DYTN: variants seen among roughly 807,000 people sequenced by gnomAD.
DYTN encodes the protein dystrotelin.
In DYTN, 75 loss-of-function variants were observed where a neutral mutation model predicts 69.6. The ratio of observed to expected loss-of-function variants is 1.08; its 90% CI spans 0.89 to 1.31. The LOEUF (loss-of-function observed/expected upper bound fraction) is 1.31, where lower values mean the gene tolerates loss of function less well. Among genes scored for constraint, DYTN ranks in the 50% most tolerant of loss-of-function variants. The pLI is 0.00. For missense variants in DYTN, 726 were observed against 688.4 expected, an observed-to-expected ratio of 1.05 and a Z score of -0.61; for synonymous variants, 252 against 249.1, an observed-to-expected ratio of 1.01 and a Z score of -0.11.
At chr2:206,699,614 A>G in intron 7 of DYTN, 113 bp downstream of exon 7, 1 of 1,322,622 alleles carries the variant, frequency 7.6e-7, no homozygotes, top group Non-Finnish European at 1.0e-6. Context: ...CAAAAAAGTC[A>G]ACTGAATTTC....
At chr2:206,688,370 G>T (rs1041966727) in intron 9 of DYTN, among the ~76,000 whole-genome samples, 6 of 152,086 alleles carry the variant, frequency 3.9e-5, no homozygotes. Flanking sequence ...GGGAACACTA[G>T]ACAGCAATTC....
intron 1 of DYTN, among the ~76,000 whole-genome samples, chr2:206,716,110 A>G (rs954860771): frequency 1.3e-5 from 2 of 152,118 alleles, no homozygotes; most frequent in African/African-American, 4.8e-5. Flanking sequence ...ACAAACAAAA[A>G]ACAAAAGAAA....
chr2:206,682,906 A>G (rs1295225272), intron 9 of DYTN, among the ~76,000 whole-genome samples: 1 of 152,168 alleles, frequency 6.6e-6, no homozygotes. Context: ...AGGAATAGAC[A>G]CATAGATCTA....
chr2:206,702,520 C>T (rs763138309), intron 5 of DYTN, among the ~76,000 whole-genome samples: 15 of 152,170 alleles, frequency 9.9e-5, no homozygotes, highest in Non-Finnish European at 1.8e-4. Context: ...TGTTGCCAGT[C>T]GAATGTAAGT....
intron 9 of DYTN, among the ~76,000 whole-genome samples, chr2:206,691,075 G>A (rs1406235206): frequency 2.0e-5 from 3 of 152,324 alleles, no homozygotes; most frequent in South Asian, 2.1e-4. Context: ...TGTCAAAAAT[G>A]TGTAAAAGAT....
chr2:206,665,501 T>C (rs1382874833), intron 10 of DYTN, among the ~76,000 whole-genome samples: 1 of 142,714 alleles, frequency 7.0e-6, no homozygotes, highest in Admixed American at 7.0e-5. Context: ...TGTGGTTATA[T>C]CTATAACAAC....
chr2:206,707,993 C>T (rs1054571577), intron 2 of DYTN, among the ~76,000 whole-genome samples: 7 of 152,124 alleles, frequency 4.6e-5, no homozygotes, highest in African/African-American at 1.4e-4. Flanking sequence ...TAGTTAAATA[C>T]AAAACAGTGA....
chr2:206,694,294 T>C (rs887801271), intron 8 of DYTN, among the ~76,000 whole-genome samples: 1 of 152,226 alleles, frequency 6.6e-6, no homozygotes, highest in East Asian at 1.9e-4. Context: ...TCAGTCAACA[T>C]TGAGATAATA....
At chr2:206,712,021 T>C (rs890917479) in intron 1 of DYTN, among the ~76,000 whole-genome samples, 1 of 152,196 alleles carries the variant, frequency 6.6e-6, no homozygotes, top group Admixed American at 6.5e-5. Context: ...AATAAAGTTA[T>C]ATAAGATCAT....
chr2:206,682,482 A>T (rs1336062232), intron 9 of DYTN, among the ~76,000 whole-genome samples: 3 of 150,854 alleles, frequency 2.0e-5, no homozygotes, highest in Non-Finnish European at 4.4e-5. Flanking sequence ...TTCCCTCTCC[A>T]TTCTTTCCTC....
Position 206,665,851 on chromosome 2 carries a change from T to C in DYTN, c.1140+19A>G, listed in dbSNP as rs1699564150. ...ACTTCCAGGCAGTCCAGATGGCCAGTGTCCCTCACATTTTATACCTGTAGG... is the reference window on the plus strand; with the variant it reads ...ACTTCCAGGCAGTCCAGATGGCCAGCGTCCCTCACATTTTATACCTGTAGG... On this transcript the variant is annotated intron_variant, in intron 10 of 11. Transcript: ENST00000452335. The C allele has an allele frequency of 2.5e-6, 4 of 1,611,892 alleles. No individual in the cohort carries two copies. Among genetic ancestry groups the C allele is most frequent in the African/African-American group, 2.7e-5 (2 of 74,980 alleles).
chr2:206,689,080 T>C (rs1699838945), intron 9 of DYTN, among the ~76,000 whole-genome samples: 2 of 152,240 alleles, frequency 1.3e-5, no homozygotes, highest in Non-Finnish European at 2.9e-5. Flanking sequence ...GCAGTTTAAT[T>C]TTCTTTTTAA....
intron 9 of DYTN, among the ~76,000 whole-genome samples, chr2:206,666,740 T>C (rs1338759764): frequency 1.5e-4 from 6 of 41,244 alleles, no homozygotes; most frequent in Non-Finnish European, 4.0e-4. Flanking sequence ...TGGGTGTGCG[T>C]GTGTGTGTGT....
In DYTN at chr2:206,651,919, G is replaced by A; in HGVS notation, c.1636C>T (p.Pro546Ser). The A allele has an allele frequency of 6.2e-7, 1 of 1,610,932 alleles. No homozygotes were observed. The highest frequency in any genetic ancestry group is 8.5e-7 in the Non-Finnish European group (1 of 1,178,304). The change falls in exon 12 of 12, where the codon CCG (proline) becomes TCG (serine). Residue 546 changes from proline to serine, a missense_variant and splice_region_variant. Transcript: ENST00000452335. The stretch of plus-strand genomic sequence containing the variant: ...AGGTCCATGTTTACTGAAGACTCCG[G>A]GCCTGAAATCAACAAACAAGAGAGT... ...DAFNLETPSGPESSVNMDLYS... is the reference protein window; with the variant it reads ...DAFNLETPSGSESSVNMDLYS...
chr2:206,711,697 T>G (rs1700079708), intron 1 of DYTN, among the ~76,000 whole-genome samples: 1 of 152,070 alleles, frequency 6.6e-6, no homozygotes, highest in African/African-American at 2.4e-5. Flanking sequence ...AACTCGTCAT[T>G]TAACATTAGG....
In DYTN at chr2:206,707,309, A is replaced by G; in HGVS notation, c.289T>C (p.Tyr97His). The change falls in exon 3 of 12, where the codon TAC becomes CAC. Residue 97 changes from tyrosine (Y) to histidine (H), a missense_variant. Transcript: ENST00000452335. ...CGACGTCCACACCCTCACCTGTTGT[A>G]CATTGTCGTGAGAAGGCTCAGAGTG... ...ELTLSLLTTM[Y>H]NSKGTGFLQL... The G allele has an allele frequency of 6.2e-7, 1 of 1,611,648 alleles. No individual in the cohort carries two copies. Among genetic ancestry groups the G allele is most frequent in the Non-Finnish European group, 8.5e-7 (1 of 1,179,140 alleles).
intron 9 of DYTN, among the ~76,000 whole-genome samples, chr2:206,674,127 T>C (rs1574591449): frequency 6.6e-6 from 1 of 152,178 alleles, no homozygotes; most frequent in Admixed American, 6.5e-5. Context: ...GCATATTAAA[T>C]AGACCAAAGG....
At chr2:206,691,510 C>T (rs560100997) in intron 9 of DYTN, among the ~76,000 whole-genome samples, 72 of 152,172 alleles carry the variant, frequency 4.7e-4, no homozygotes, top group African/African-American at 1.7e-3. Flanking sequence ...AGATGATTAA[C>T]ATTTTATCAT....
intron 9 of DYTN, among the ~76,000 whole-genome samples, chr2:206,687,939 C>G (rs1330772790): frequency 6.6e-6 from 1 of 152,160 alleles, no homozygotes; most frequent in African/African-American, 2.4e-5. Context: ...TAATGTCTCT[C>G]ACTATTCTTC....
Sources: gnomAD v4.1 joint callset for allele counts (sites outside exome capture counted in the v4.1 genomes callset) on GRCh38, gnomAD v4.1.1 for gene constraint, MANE v1.5 for transcripts, NCBI Gene and HGNC (gene_info 2026-07-23, HGNC 2026-07-21) for gene names.